The following RNF150 variants were observed in gnomAD, a reference collection of about 807,000 sequenced individuals.
RNF150 encodes the protein ring finger protein 150.
A neutral mutation model predicts 39.3 loss-of-function variants in RNF150; 24 were observed. The observed-to-expected ratio is 0.61, with a 90% CI of 0.44 to 0.86. The LOEUF is 0.86. RNF150 is among the 40% of genes least tolerant of loss of function. The pLI is 0.00. For synonymous variants in RNF150, 255 were observed against 227.3 expected, an observed-to-expected ratio of 1.12 and a Z score of -1.10; for missense variants, 502 against 587.8, an observed-to-expected ratio of 0.85 and a Z score of 1.51.
rs191751563 is a variant in RNF150 at position 141,101,778 on chromosome 4, C to A, written c.484+30547G>T. Among the ~76,000 whole-genome samples the A allele has an allele frequency of 3.9e-5, 6 of 152,048 alleles. No homozygotes were observed. In the East Asian group the frequency reaches 1.2e-3, roughly 29 times the overall value. ...AGAAATTTTTTAGCTCCATTATAATCTTTTATTTATTTATTTATTTTGAGA... is the reference window on the plus strand; with the variant it reads ...AGAAATTTTTTAGCTCCATTATAATATTTTATTTATTTATTTATTTTGAGA... On this transcript the variant is annotated intron_variant, in intron 1 of 6. Transcript: ENST00000515673.
intron 6 of RNF150, among the ~76,000 whole-genome samples, chr4:140,878,169 T>A (rs1729235274): frequency 7.1e-6 from 1 of 140,542 alleles, no homozygotes; most frequent in East Asian, 2.0e-4. Context: ...ATTGTGTTTT[T>A]TTTTTTTTTT....
At chr4:140,953,536 CT>C (rs1732621605) in intron 2 of RNF150, among the ~76,000 whole-genome samples, 3 of 135,540 alleles carry the variant, frequency 2.2e-5, no homozygotes, top group African/African-American at 8.2e-5. Flanking sequence ...TTTTTTTTTT[CT>C]GTAAGAGTTC....
rs556547619 is a variant in RNF150 at position 141,209,707 on chromosome 4, C to A, written c.-6+3087G>T. On this transcript the variant is annotated intron_variant, in intron 1 of 7. Transcript: ENST00000420921. ...CATGGATTCATAGTTAAAACCAAAT[C>A]TCTTAGTAATAGAAAGTAACACTTT... 6.6e-5 allele frequency among the ~76,000 whole-genome samples: 10 copies of A among 152,078 alleles called. No homozygotes were observed. In the South Asian group the frequency reaches 1.9e-3, roughly 28 times the overall value.
intron 1 of RNF150, among the ~76,000 whole-genome samples, chr4:141,203,101 CTTGGAG>C (rs1728315651): frequency 7.2e-6 from 1 of 139,774 alleles, no homozygotes; most frequent in African/African-American, 2.6e-5. Context: ...GATATATAAT[CTTGGAG>C]ACGATATATA....
At chr4:140,924,410 T>C (rs138919200) in intron 5 of RNF150, among the ~76,000 whole-genome samples, 2 of 152,314 alleles carry the variant, frequency 1.3e-5, no homozygotes, top group East Asian at 1.9e-4. Flanking sequence ...TAGTACAAAA[T>C]TGAACGATGG....
At chr4:141,082,619 C>T (rs1167115581) in intron 1 of RNF150, among the ~76,000 whole-genome samples, 7 of 151,718 alleles carry the variant, frequency 4.6e-5, no homozygotes, top group Non-Finnish European at 8.8e-5. Context: ...GACGGAGTCT[C>T]GCTCTGTCGC....
At chr4:140,989,455 G>A (rs1430045481) in intron 1 of RNF150, among the ~76,000 whole-genome samples, 1 of 152,038 alleles carries the variant, frequency 6.6e-6, no homozygotes, top group Non-Finnish European at 1.5e-5. Context: ...CTCCATAGCG[G>A]CAAAAAGAAA....
intron 1 of RNF150, among the ~76,000 whole-genome samples, chr4:141,208,183 C>G (rs984127400): frequency 6.6e-6 from 1 of 152,206 alleles, no homozygotes. Flanking sequence ...TTCCTCGGTT[C>G]TGCTTTCCAA....
intron 1 of RNF150, among the ~76,000 whole-genome samples, chr4:141,066,232 T>C (rs1490476591): frequency 1.0e-5 from 1 of 99,438 alleles, no homozygotes; most frequent in African/African-American, 3.1e-5. Flanking sequence ...ATTTGTTCAG[T>C]ATATGTGCGA....
intron 1 of RNF150, among the ~76,000 whole-genome samples, chr4:141,013,337 A>T (rs1735145951): frequency 6.6e-6 from 1 of 152,182 alleles, no homozygotes; most frequent in Admixed American, 6.5e-5. Flanking sequence ...TGGGGATAAG[A>T]GGTACTGTTC....
At chr4:141,108,294 T>C (rs781166385) in intron 1 of RNF150, among the ~76,000 whole-genome samples, 2 of 152,236 alleles carry the variant, frequency 1.3e-5, no homozygotes, top group African/African-American at 2.4e-5. Context: ...GGACCAGCAC[T>C]GTTTTCTTAA....
intron 1 of RNF150, among the ~76,000 whole-genome samples, chr4:141,009,386 C>A (rs1242132140): frequency 6.6e-6 from 1 of 152,180 alleles, no homozygotes; most frequent in Admixed American, 6.5e-5. Context: ...TCCAGCACTA[C>A]CTTACTGTCC....
At position 140,985,364 on chromosome 4, in the gene RNF150, C is replaced by T. The variant is rs187949062; in HGVS notation, c.485-17491G>A. The stretch of plus-strand genomic sequence containing the variant: ...CAGCTACTGAAAACCACCAAACTGC[C>T]TATCTGAAGGGAGAGTCAAGGATCC... On this transcript the variant is annotated intron_variant, in intron 1 of 6. Transcript: ENST00000515673. Among the ~76,000 whole-genome samples the T allele has an allele frequency of 2.2e-4, 33 of 152,232 alleles. No individual in the cohort carries two copies. In the East Asian group the frequency reaches 3.1e-3, roughly 14 times the overall value.
At chr4:141,118,388 C>A (rs537144992) in intron 1 of RNF150, among the ~76,000 whole-genome samples, 7 of 152,238 alleles carry the variant, frequency 4.6e-5, no homozygotes, top group African/African-American at 1.4e-4. Flanking sequence ...AAACACTGTA[C>A]CCTCCTGGAA....
At chr4:141,146,781 C>T in intron 1 of RNF150, among the ~76,000 whole-genome samples, 1 of 152,134 alleles carries the variant, frequency 6.6e-6, no homozygotes, top group East Asian at 1.9e-4. Flanking sequence ...CCACTCAAGG[C>T]AACTTTGTTA....
chr4:141,040,628 AG>A, intron 1 of RNF150, among the ~76,000 whole-genome samples: 1 of 152,266 alleles, frequency 6.6e-6, no homozygotes, highest in East Asian at 1.9e-4. Context: ...TTATTATACT[AG>A]AACAGGCATA....
chr4:140,979,273 A>G (rs1026994969), intron 1 of RNF150, among the ~76,000 whole-genome samples: 7 of 152,170 alleles, frequency 4.6e-5, no homozygotes, highest in Non-Finnish European at 8.8e-5. Context: ...GACTAGTGGA[A>G]TCACAGTATA....
intron 4 of RNF150, among the ~76,000 whole-genome samples, chr4:140,927,019 T>A (rs1345974163): frequency 1.3e-5 from 2 of 152,252 alleles, no homozygotes; most frequent in Non-Finnish European, 2.9e-5. Context: ...AATATTTCTA[T>A]TCTGTTCTCT....
chr4:141,135,322 G>A (rs183695742), upstream of RNF150, among the ~76,000 whole-genome samples: 4 of 152,314 alleles, frequency 2.6e-5, no homozygotes, highest in South Asian at 2.1e-4. Context: ...GAAGATCTTC[G>A]TTTCTAAATA....
Sources: allele counts gnomAD v4.1 joint callset (sites outside exome capture counted in the v4.1 genomes callset), GRCh38; gene constraint gnomAD v4.1.1; transcripts MANE v1.5; gene names NCBI Gene and HGNC (gene_info 2026-07-23, HGNC 2026-07-21).